The following WDR59 variants were observed in gnomAD, a reference collection of about 807,000 sequenced individuals.
WDR59 encodes the protein GATOR2 complex protein WDR59.
A neutral mutation model predicts 131.2 loss-of-function variants in WDR59; 100 were observed. That is an observed-to-expected ratio of 0.76 (90% CI 0.65 to 0.90). The LOEUF is 0.90. WDR59 is among the 40% of genes least tolerant of loss of function. The pLI, the probability that WDR59 is intolerant of heterozygous loss-of-function variation, is 0.00. For missense variants in WDR59, 1,203 were observed against 1,262.2 expected (o/e 0.95, Z 0.71); for synonymous variants, 601 against 466.2 (o/e 1.29, Z -3.72).
chr16:74,949,330 CAAAA>C (rs550013099), intron 5 of WDR59, among the ~76,000 whole-genome samples: 11 of 42,588 alleles, frequency 2.6e-4, no homozygotes, highest in South Asian at 2.2e-3. Context: ...TACCTTGTCT[CAAAA>C]AAAAAAAAAA....
intron 25 of WDR59, among the ~76,000 whole-genome samples, chr16:74,877,077 A>G (rs1260486967): frequency 2.0e-5 from 3 of 152,112 alleles, no homozygotes; most frequent in African/African-American, 7.2e-5. Flanking sequence ...TCTGTATTCA[A>G]GATAATTGAT....
At chr16:74,921,922 T>G (rs1275185783) in intron 10 of WDR59, 25 bp downstream of exon 10, 3 of 1,608,982 alleles carry the variant, frequency 1.9e-6, no homozygotes, top group South Asian at 2.2e-5. Flanking sequence ...AGAAGGAAAG[T>G]GGGCAGCAGG....
At chr16:74,878,215 GA>G (rs1182860714) in intron 25 of WDR59, among the ~76,000 whole-genome samples, 1 of 152,178 alleles carries the variant, frequency 6.6e-6, no homozygotes, top group Non-Finnish European at 1.5e-5. Flanking sequence ...CCTCCCTGGG[GA>G]ACTGTATTCA....
chr16:74,914,750 T>C (rs1269815150), intron 13 of WDR59, among the ~76,000 whole-genome samples: 1 of 152,084 alleles, frequency 6.6e-6, no homozygotes, highest in Non-Finnish European at 1.5e-5. Context: ...CACGCCACCA[T>C]GACCAGCTAA....
Position 74,886,329 on chromosome 16 carries a change from C to A in WDR59, c.2487G>T (p.Gly829=). Residue 829 remains glycine, a synonymous_variant, in exon 24 of 26, where the codon GGG becomes GGT. Coordinates refer to ENST00000262144, the MANE Select transcript of WDR59 (RefSeq NM_030581.4). ...GESSPEELRF[G]SLTYSDPRER... ...CACGGGGATCACTGTAGGTCAGACT[C>A]CCAAAGCGGAGCTCTTCTGGTGAGG... is the stretch of plus-strand genomic sequence containing the variant. The A allele has an allele frequency of 6.2e-7, 1 of 1,613,968 alleles. No homozygotes were observed. The highest frequency in any genetic ancestry group is 1.1e-5 in the South Asian group (1 of 91,080).
chr16:74,975,833 A>G (rs1432591847), intron 1 of WDR59, among the ~76,000 whole-genome samples: 2 of 151,502 alleles, frequency 1.3e-5, no homozygotes, highest in Non-Finnish European at 2.9e-5. Context: ...ATTCATCACC[A>G]CATCTTTATA....
At chr16:74,921,208 T>A (rs758273796) in intron 10 of WDR59, among the ~76,000 whole-genome samples, 1 of 152,106 alleles carries the variant, frequency 6.6e-6, no homozygotes, top group Non-Finnish European at 1.5e-5. Flanking sequence ...CTAAGCCTAG[T>A]ACCCAATGGT....
At chr16:74,978,206 C>G (rs1020566480) in intron 1 of WDR59, among the ~76,000 whole-genome samples, 1 of 151,898 alleles carries the variant, frequency 6.6e-6, no homozygotes, top group African/African-American at 2.4e-5. Flanking sequence ...TCCTGTAATC[C>G]CAGCTACTCA....
At chr16:74,973,538 T>C (rs762761755) in intron 1 of WDR59, among the ~76,000 whole-genome samples, 1 of 139,902 alleles carries the variant, frequency 7.1e-6, no homozygotes, top group Non-Finnish European at 1.5e-5. Context: ...GCACCGGCCC[T>C]GGCCTCTCAA....
intron 1 of WDR59, among the ~76,000 whole-genome samples, chr16:74,975,253 C>T (rs1202395527): frequency 1.3e-5 from 2 of 151,848 alleles, no homozygotes; most frequent in African/African-American, 2.4e-5. Flanking sequence ...TCCAGCTACT[C>T]GGGAGGCTGA....
chr16:74,902,151 T>C (rs1965582365), intron 18 of WDR59, among the ~76,000 whole-genome samples: 1 of 152,214 alleles, frequency 6.6e-6, no homozygotes, highest in Admixed American at 6.5e-5. Flanking sequence ...TTTGTGAACT[T>C]TTGTGTATTT....
intron 14 of WDR59, among the ~76,000 whole-genome samples, chr16:74,910,850 G>A (rs1024384772): frequency 6.6e-6 from 1 of 151,890 alleles, no homozygotes; most frequent in African/African-American, 2.4e-5. Context: ...TCCGCTCACT[G>A]CAGCCTCCGC....
rs547704296 is a variant in WDR59 at position 74,945,038 on chromosome 16, C to T, written c.446-2212G>A. Reference sequence around the variant, plus strand: ...GCTCGGGAGGCTGAGGCAGGAGAATCGCTTGAACCCAGGAGGCGGAGGTTG... The same window carrying T: ...GCTCGGGAGGCTGAGGCAGGAGAATTGCTTGAACCCAGGAGGCGGAGGTTG... On this transcript the variant is annotated intron_variant, in intron 6 of 25. Transcript: ENST00000262144. 5.3e-3 allele frequency among the ~76,000 whole-genome samples: 758 copies of T among 143,518 alleles called. 9 individuals carry two copies. Among genetic ancestry groups the T allele is most frequent in the African/African-American group, 0.018 (706 of 38,834 alleles). 94.2% of individuals were successfully genotyped at this position (143,518 alleles called of 152,430 possible).
rs750002760 is a variant in WDR59, at chr16:74,942,790, G to A, written c.482C>T (p.Ala161Val). 1 of 1,611,962 alleles carries A rather than the reference G, an allele frequency of 6.2e-7. No individual in the cohort carries two copies. ...ASQVKWNKKN[A>V]NCLATSHDGD... ...GTCATGGCTGGTGGCAAGGCAGTTAGCATTTTTTTTATTCCATTTGACCTG... is the reference window on the plus strand; with the variant it reads ...GTCATGGCTGGTGGCAAGGCAGTTAACATTTTTTTTATTCCATTTGACCTG... Residue 161 changes from alanine (A) to valine (V), a missense_variant, in exon 7 of 26, where the codon GCT (alanine) becomes GTT (valine). Ala to Val is a moderately conservative substitution (Grantham distance 64, BLOSUM62 0). Transcript: ENST00000262144.
intron 3 of WDR59, among the ~76,000 whole-genome samples, chr16:74,952,539 G>A (rs1303424230): frequency 6.6e-6 from 1 of 151,204 alleles, no homozygotes; most frequent in Non-Finnish European, 1.5e-5. Context: ...TTGAAATAAT[G>A]CCTGTATTTA....
intron 2 of WDR59, among the ~76,000 whole-genome samples, chr16:74,961,034 G>C (rs9936935): frequency 0.12 from 17,949 of 151,980 alleles, 1,382 homozygotes; most frequent in African/African-American, 0.21. Context: ...GCCAGGTGCA[G>C]TGGCTCACGT....
At chr16:74,927,683 AAC>A (rs61511176) in intron 8 of WDR59, among the ~76,000 whole-genome samples, 3,639 of 118,206 alleles carry the variant, frequency 0.031, 132 homozygotes, top group African/African-American at 0.095. Context: ...CTCTTTAAAA[AAC>A]ACACACACAC....
At chr16:74,884,504 A>C (rs560275425) in intron 25 of WDR59, among the ~76,000 whole-genome samples, 3 of 152,250 alleles carry the variant, frequency 2.0e-5, no homozygotes, top group East Asian at 3.9e-4. Flanking sequence ...GTGCACTAGC[A>C]CGCCTGGCTA....
At chr16:74,923,375 T>C (rs546235517) in intron 9 of WDR59, among the ~76,000 whole-genome samples, 9 of 152,250 alleles carry the variant, frequency 5.9e-5, no homozygotes, top group African/African-American at 1.9e-4. Context: ...CTGCCGGCCC[T>C]ACCATTAGTG....
Sources: gnomAD v4.1 joint callset for allele counts (sites outside exome capture counted in the v4.1 genomes callset) on GRCh38, gnomAD v4.1.1 for gene constraint, MANE v1.5 for transcripts, NCBI Gene and HGNC (gene_info 2026-07-23, HGNC 2026-07-21) for gene names.